Variants in NDFIP1 observed in about 807,000 individuals in gnomAD.
NDFIP1 encodes NEDD4 family-interacting protein 1.
A neutral mutation model predicts 28.8 loss-of-function variants in NDFIP1; 7 were observed. The observed-to-expected ratio is 0.24, with a 90% CI of 0.14 to 0.46. The LOEUF is 0.46. Ranked by LOEUF, NDFIP1 falls within the 20% of genes least tolerant of loss-of-function variation. NDFIP1 has a pLI of 0.99. For synonymous variants in NDFIP1, 92 were observed against 101.0 expected (o/e 0.91, Z 0.53); for missense variants, 194 against 269.1 (o/e 0.72, Z 1.95).
In NDFIP1 at chr5:142,108,882, C is replaced by T. The variant is rs905139392; in HGVS notation, c.-93C>T. ...CCATCGAGACCCACCCAAGGCGCGTCCCCCTCGGCCTCCCAGCGCTCCCAA... is the reference window on the plus strand; with the variant it reads ...CCATCGAGACCCACCCAAGGCGCGTTCCCCTCGGCCTCCCAGCGCTCCCAA... On this transcript the variant is annotated 5_prime_UTR_variant, in exon 1 of 8. Transcript: ENST00000253814. 20 of 1,141,816 alleles carry T rather than the reference C, an allele frequency of 1.8e-5. No homozygotes were observed. Among genetic ancestry groups the T allele is most frequent in the Non-Finnish European group, 2.0e-5 (18 of 878,288 alleles). 70.7% of individuals were successfully genotyped at this position (1,141,816 alleles called of 1,614,324 possible). A position where few individuals can be genotyped will look rare whatever the true frequency, so the allele number is the denominator to read the frequency against.
At chr5:142,150,737 AAAAGAAAAG>A (rs1176977468) in intron 7 of NDFIP1, among the ~76,000 whole-genome samples, 5 of 148,918 alleles carry the variant, frequency 3.4e-5, no homozygotes, top group Admixed American at 2.7e-4. Context: ...AAAAAAAAAG[AAAAGAAAAG>A]AAAGAAAAGA....
At chr5:142,114,964 C>T (rs181691427) in intron 1 of NDFIP1, among the ~76,000 whole-genome samples, 18 of 152,268 alleles carry the variant, frequency 1.2e-4, no homozygotes, top group African/African-American at 3.6e-4. Context: ...CTGGTTTGGG[C>T]AGAAACCAAG....
At chr5:142,151,076 T>G (rs557222280) in intron 7 of NDFIP1, among the ~76,000 whole-genome samples, 3 of 152,356 alleles carry the variant, frequency 2.0e-5, no homozygotes, top group African/African-American at 7.2e-5. Flanking sequence ...TAGGCATTAT[T>G]TCGAGAGCAT....
intron 3 of NDFIP1, chr5:142,134,038 T>A (rs889863118): frequency 6.6e-6 from 1 of 152,252 alleles, no homozygotes; most frequent in African/African-American, 2.4e-5. Flanking sequence ...ATGTAGTAAT[T>A]GGCTTTGTAT....
chr5:142,117,344 A>C (rs911115342), intron 1 of NDFIP1, among the ~76,000 whole-genome samples: 2 of 151,246 alleles, frequency 1.3e-5, no homozygotes, highest in African/African-American at 4.9e-5. Context: ...CCTGGGCTCA[A>C]GTGATTCTCC....
chr5:142,134,873 C>T (rs1290101832), intron 3 of NDFIP1, among the ~76,000 whole-genome samples: 1 of 152,150 alleles, frequency 6.6e-6, no homozygotes, highest in East Asian at 1.9e-4. Context: ...AATACAAATA[C>T]ATGCTTATGG....
intron 1 of NDFIP1, among the ~76,000 whole-genome samples, chr5:142,115,562 G>C (rs1757058555): frequency 6.6e-6 from 1 of 152,136 alleles, no homozygotes; most frequent in South Asian, 2.1e-4. Flanking sequence ...TGGGATTACA[G>C]GTGTGAGCCA....
At chr5:142,125,078 G>A (rs777977778) in intron 1 of NDFIP1, among the ~76,000 whole-genome samples, 3 of 151,972 alleles carry the variant, frequency 2.0e-5, no homozygotes, top group Non-Finnish European at 2.9e-5. Flanking sequence ...TGCCTGCCTC[G>A]GCCTCCCAAA....
intron 3 of NDFIP1, among the ~76,000 whole-genome samples, chr5:142,135,357 G>C (rs1456428561): frequency 6.6e-6 from 1 of 152,126 alleles, no homozygotes; most frequent in Non-Finnish European, 1.5e-5. Context: ...AACCAAATGT[G>C]TAAGTAAATT....
Position 142,153,098 on chromosome 5 carries a change from G to T in NDFIP1, c.*1370G>T, listed in dbSNP as rs1757464700. Reference sequence around the variant, plus strand: ...AGATAATTTATTTCCAGTGTTTTCTGCATGTTCTCATTTGTTCTTTTTCTC... The same window carrying T: ...AGATAATTTATTTCCAGTGTTTTCTTCATGTTCTCATTTGTTCTTTTTCTC... On this transcript the variant is annotated 3_prime_UTR_variant, in exon 8 of 8. Transcript: ENST00000253814. The T allele has an allele frequency of 5.8e-6, 2 of 343,692 alleles. No homozygotes were observed. The highest frequency in any genetic ancestry group is 5.7e-6 in the Non-Finnish European group (1 of 174,744). The allele number at this position is 343,692 out of a possible 1,614,324, so 21.3% of individuals were successfully genotyped here.
intron 6 of NDFIP1, among the ~76,000 whole-genome samples, chr5:142,142,653 C>G (rs1475373028): frequency 6.6e-6 from 1 of 151,888 alleles, no homozygotes; most frequent in Non-Finnish European, 1.5e-5. Flanking sequence ...TTTGGCCCGG[C>G]GTGGTGGCTC....
At chr5:142,140,323 C>T (rs1450108122) in intron 5 of NDFIP1, among the ~76,000 whole-genome samples, 1 of 151,804 alleles carries the variant, frequency 6.6e-6, no homozygotes, top group Non-Finnish European at 1.5e-5. Flanking sequence ...TGGTATATGC[C>T]TGTAATCCCA....
At chr5:142,118,521 C>T (rs1255512847) in intron 1 of NDFIP1, among the ~76,000 whole-genome samples, 1 of 152,146 alleles carries the variant, frequency 6.6e-6, no homozygotes, top group Admixed American at 6.5e-5. Context: ...TTCAACATGA[C>T]TTATCATTGT....
chr5:142,109,717 A>G (rs1265256577), intron 1 of NDFIP1, among the ~76,000 whole-genome samples: 1 of 152,184 alleles, frequency 6.6e-6, no homozygotes, highest in African/African-American at 2.4e-5. Context: ...ATTTGATGGC[A>G]TAGCTGGGGA....
At chr5:142,140,396 C>T (rs1439302504) in intron 5 of NDFIP1, among the ~76,000 whole-genome samples, 167 bp from the exon 6 acceptor site, 6 of 149,052 alleles carry the variant, frequency 4.0e-5, no homozygotes, top group Non-Finnish European at 8.9e-5. Context: ...TGCAGTGAGC[C>T]GAGATCACGC....
Position 142,144,673 on chromosome 5 carries a change from A to G in NDFIP1, c.665A>G (p.Ter222=). 1 of 1,578,280 alleles carries G rather than the reference A, an allele frequency of 6.3e-7. No individual in the cohort carries two copies. The part of the protein sequence containing the change: ...LPRTRVLFIY[*] ...AGGACCAGAGTTCTCTTTATTTATTAAAGGTATTAAAGAAAAAATTTATTC... is the reference window on the plus strand; with the variant it reads ...AGGACCAGAGTTCTCTTTATTTATTGAAGGTATTAAAGAAAAAATTTATTC... Residue 222 remains the stop codon, a stop_retained_variant, in exon 7 of 8, where the codon TAA becomes TGA. Transcript: ENST00000253814.
chr5:142,109,020 G>C lies in NDFIP1; in HGVS notation c.46G>C (p.Gly16Arg). 7.0e-7 allele frequency: 1 copy of C among 1,437,560 alleles called. No homozygotes were observed. Among genetic ancestry groups the C allele is most frequent in the Non-Finnish European group, 9.1e-7 (1 of 1,097,350 alleles). The allele number at this position is 1,437,560 out of a possible 1,614,324, so 89.1% of individuals were successfully genotyped here. Reference protein sequence around the residue: ...AALAAVEPACGSRYQQLQNEE... With the variant: ...AALAAVEPACRSRYQQLQNEE... ...GCTGGCGGCGGTCGAGCCGGCCTGC[G>C]GCAGCCGGTACCAGCAGGTAAGCGG... is the stretch of plus-strand genomic sequence containing the variant. Residue 16 changes from glycine (G) to arginine (R), a missense_variant, in exon 1 of 8, where the codon GGC becomes CGC. Physicochemically the swap from Gly to Arg is moderately radical, Grantham distance 125 (BLOSUM62 -2). Coordinates refer to ENST00000253814, the MANE Select transcript of NDFIP1 (RefSeq NM_030571.4).
intron 1 of NDFIP1, among the ~76,000 whole-genome samples, chr5:142,130,735 A>G (rs1757219290): frequency 6.6e-6 from 1 of 152,022 alleles, no homozygotes; most frequent in Non-Finnish European, 1.5e-5. Context: ...TATTCACTAC[A>G]AAATATTTGA....
intron 7 of NDFIP1, among the ~76,000 whole-genome samples, chr5:142,150,626 T>C (rs1416638825): frequency 1.3e-5 from 2 of 151,268 alleles, no homozygotes; most frequent in Non-Finnish European, 2.9e-5. Flanking sequence ...CTTGCGGGGC[T>C]GAGGCAGAAG....
Sources: allele counts gnomAD v4.1 joint callset (sites outside exome capture counted in the v4.1 genomes callset), GRCh38; gene constraint gnomAD v4.1.1; transcripts MANE v1.5; gene names NCBI Gene and HGNC (gene_info 2026-07-23, HGNC 2026-07-21).